Variants in ATE1 observed in about 807,000 individuals in gnomAD.
ATE1 encodes arginyltransferase 1.
A neutral mutation model predicts 70.5 loss-of-function variants in ATE1; 36 were observed. The observed-to-expected ratio is 0.51, with a 90% CI of 0.39 to 0.67. The LOEUF (loss-of-function observed/expected upper bound fraction) is 0.67. Among genes scored for constraint, ATE1 ranks in the 30% least tolerant of loss-of-function variants. The pLI is 0.00. For synonymous variants in ATE1, 232 were observed against 219.3 expected, an observed-to-expected ratio of 1.06 and a Z score of -0.51; for missense variants, 593 against 629.5, an observed-to-expected ratio of 0.94 and a Z score of 0.62.
chr10:121,861,960 T>C (rs1949489513), intron 8 of ATE1, among the ~76,000 whole-genome samples: 1 of 152,102 alleles, frequency 6.6e-6, no homozygotes, highest in African/African-American at 2.4e-5. Flanking sequence ...TGCCAATTAT[T>C]CTCTGAAGAT....
intron 11 of ATE1, among the ~76,000 whole-genome samples, chr10:121,753,496 G>A (rs554465683): frequency 6.6e-6 from 1 of 152,064 alleles, no homozygotes; most frequent in Non-Finnish European, 1.5e-5. Context: ...TGATATTATG[G>A]TCATTTGGTA....
intron 3 of ATE1, among the ~76,000 whole-genome samples, chr10:121,918,620 T>C (rs1951753961): frequency 6.6e-6 from 1 of 152,156 alleles, no homozygotes; most frequent in Non-Finnish European, 1.5e-5. Flanking sequence ...ATCCAATAAA[T>C]TGCTAATTGA....
At chr10:121,898,869 T>A in intron 7 of ATE1, 1 of 1,613,956 alleles carries the variant, frequency 6.2e-7, no homozygotes, top group Non-Finnish European at 8.5e-7. Context: ...ATCGGGTGGA[T>A]CCTGGTGTAT....
chr10:121,786,167 G>A (rs1202093374), intron 11 of ATE1, among the ~76,000 whole-genome samples: 4 of 145,942 alleles, frequency 2.7e-5, no homozygotes, highest in African/African-American at 1.0e-4. Context: ...GGGAATCATA[G>A]GATAGTGCTT....
At chr10:121,927,400 G>T in intron 1 of ATE1, 2 of 984,910 alleles carry the variant, frequency 2.0e-6, no homozygotes, top group South Asian at 9.4e-5. Flanking sequence ...ATTCGTCCAG[G>T]GAAGTCTGAT....
At chr10:121,927,438 A>AC (rs1218246720) in intron 1 of ATE1, 7 of 983,726 alleles carry the variant, frequency 7.1e-6, no homozygotes, top group East Asian at 2.3e-4. Flanking sequence ...CTGTGTGCAC[A>AC]CCCACAGCTC....
Position 121,791,101 on chromosome 10 carries a change from T to G in ATE1, c.1258-812A>C, listed in dbSNP as rs377341197. Among the ~76,000 whole-genome samples, 49 of 142,874 alleles carry G rather than the reference T, an allele frequency of 3.4e-4. 2 individuals are homozygous for G. The Admixed American group carries it at 3.4e-3, about 10-fold the overall frequency. The allele number at this position is 142,874 out of a possible 152,430, so 93.7% of individuals were successfully genotyped here. Reference sequence around the variant, plus strand: ...GTGTGTGTGTGTGTATATATATTTTTTTTTTTTTTTGAGATAGATTCTTGC... The same window carrying G: ...GTGTGTGTGTGTGTATATATATTTTGTTTTTTTTTTGAGATAGATTCTTGC... On this transcript the variant is annotated intron_variant, in intron 10 of 11. Transcript: ENST00000224652.
intron 7 of ATE1, among the ~76,000 whole-genome samples, chr10:121,882,163 G>A (rs552611159): frequency 1.6e-3 from 250 of 151,974 alleles, no homozygotes; most frequent in African/African-American, 5.8e-3. Context: ...AAAATTATAT[G>A]TTGATAAATC....
intron 7 of ATE1, among the ~76,000 whole-genome samples, chr10:121,880,769 C>T (rs1950201847): frequency 6.6e-6 from 1 of 151,970 alleles, no homozygotes; most frequent in African/African-American, 2.4e-5. Context: ...AATTATTTGG[C>T]ATATATAATG....
chr10:121,914,692 G>A (rs773293022), intron 3 of ATE1, among the ~76,000 whole-genome samples: 3 of 152,076 alleles, frequency 2.0e-5, no homozygotes, highest in East Asian at 1.9e-4. Flanking sequence ...ATGACTAGAC[G>A]ACTCCCTACT....
At chr10:121,771,998 C>T (rs1029229556) in intron 11 of ATE1, among the ~76,000 whole-genome samples, 1 of 152,156 alleles carries the variant, frequency 6.6e-6, no homozygotes, top group African/African-American at 2.4e-5. Context: ...TTTGTAAGAA[C>T]AATATTCTCG....
intron 10 of ATE1, among the ~76,000 whole-genome samples, chr10:121,819,082 A>T (rs1201445413): frequency 1.3e-5 from 2 of 152,244 alleles, no homozygotes; most frequent in African/African-American, 4.8e-5. Context: ...CAATGGGGTA[A>T]ATGTGCTGAT....
chr10:121,902,902 G>A (rs1438719242), intron 5 of ATE1, among the ~76,000 whole-genome samples: 1 of 152,046 alleles, frequency 6.6e-6, no homozygotes, highest in East Asian at 1.9e-4. Flanking sequence ...GTCTCGCTCT[G>A]TCACCCAGGC....
intron 8 of ATE1, among the ~76,000 whole-genome samples, chr10:121,853,295 T>C (rs1057026011): frequency 6.5e-4 from 89 of 137,604 alleles, no homozygotes; most frequent in African/African-American, 2.2e-3. Context: ...ACCCAGAAGG[T>C]GGAGCTTGCA....
chr10:121,819,813 C>T (rs1947719895), intron 10 of ATE1, among the ~76,000 whole-genome samples: 1 of 151,796 alleles, frequency 6.6e-6, no homozygotes, highest in Non-Finnish European at 1.5e-5. Flanking sequence ...TGTTCCCCGC[C>T]CCCCAACAAA....
chr10:121,825,567 T>C (rs56108883), intron 10 of ATE1, among the ~76,000 whole-genome samples: 19,765 of 152,178 alleles, frequency 0.13, 1,460 homozygotes, highest in East Asian at 0.2. Flanking sequence ...ATGTGAAGTC[T>C]GCTAGAAGGC....
At chr10:121,896,212 G>A (rs546803117) in intron 7 of ATE1, among the ~76,000 whole-genome samples, 1 of 152,228 alleles carries the variant, frequency 6.6e-6, no homozygotes, top group East Asian at 1.9e-4. Flanking sequence ...TCTTTAGCAA[G>A]AACATTCCAC....
chr10:121,767,432 T>C (rs1945322765), intron 11 of ATE1, among the ~76,000 whole-genome samples: 1 of 152,078 alleles, frequency 6.6e-6, no homozygotes, highest in South Asian at 2.1e-4. Context: ...AGACAGACTG[T>C]AAAGGAAGAA....
intron 10 of ATE1, among the ~76,000 whole-genome samples, chr10:121,835,994 C>T (rs566093701): frequency 6.6e-6 from 1 of 152,222 alleles, no homozygotes; most frequent in East Asian, 1.9e-4. Flanking sequence ...TCCCAGGTGC[C>T]TAATTTAGGT....
Sources: allele counts gnomAD v4.1 joint callset (sites outside exome capture counted in the v4.1 genomes callset), GRCh38; gene constraint gnomAD v4.1.1; transcripts MANE v1.5; gene names NCBI Gene and HGNC (gene_info 2026-07-23, HGNC 2026-07-21).